Variants in OCA2 observed in about 807,000 individuals in gnomAD.
OCA2 encodes the protein OCA2 melanosomal transmembrane protein.
OCA2 carries 77 observed loss-of-function variants against 100.2 expected under a neutral mutation model. The observed-to-expected ratio is 0.77, with a 90% CI of 0.64 to 0.93. The LOEUF is 0.93. Ranked by LOEUF, OCA2 falls within the 40% of genes least tolerant of loss-of-function variation. OCA2 has a pLI of 0.00. For synonymous variants in OCA2, 432 were observed against 439.2 expected (o/e 0.98, Z 0.21); for missense variants, 1,062 against 1,089.1 (o/e 0.98, Z 0.35).
At position 27,966,713 on chromosome 15, in the gene OCA2, T is replaced by C; in HGVS notation, c.1613A>G (p.Asn538Ser). The C allele has an allele frequency of 6.2e-7, 1 of 1,614,014 alleles. No individual in the cohort carries two copies. The highest frequency in any genetic ancestry group is 8.5e-7 in the Non-Finnish European group (1 of 1,180,018). ...ACCAACAATCTCACTGGGTTCCTTG[T>C]TATAAAGCTTTCTGTTCCAGTAAAG... ...RLLYWNRKLY[N>S]KEPSEIVELK... Residue 538 changes from asparagine to serine, a missense_variant, in exon 15 of 24, where the codon AAC (asparagine) becomes AGC (serine). Coordinates refer to ENST00000354638, the MANE Select transcript of OCA2 (RefSeq NM_000275.3).
chr15:27,799,532 G>A (rs552806035), intron 23 of OCA2, among the ~76,000 whole-genome samples: 89 of 152,208 alleles, frequency 5.8e-4, no homozygotes, highest in African/African-American at 2.1e-3. Flanking sequence ...ATAACCTGAG[G>A]TCAGGAGCTC....
chr15:27,827,932 T>C (rs981962599), intron 23 of OCA2, among the ~76,000 whole-genome samples: 1 of 152,206 alleles, frequency 6.6e-6, no homozygotes, highest in African/African-American at 2.4e-5. Context: ...ATAAGGTCAC[T>C]GGATAAGACG....
chr15:27,895,237 T>C (rs529130637), intron 19 of OCA2, among the ~76,000 whole-genome samples: 1 of 152,274 alleles, frequency 6.6e-6, no homozygotes, highest in African/African-American at 2.4e-5. Flanking sequence ...CAGAACCTAG[T>C]CTCTGGTGTG....
rs1271659438 is a variant in OCA2, at chr15:27,882,139, G to A, written c.2080-10217C>T. On this transcript the variant is annotated intron_variant, in intron 19 of 23. Coordinates refer to ENST00000354638, the MANE Select transcript of OCA2 (RefSeq NM_000275.3). The stretch of plus-strand genomic sequence containing the variant: ...TTACCCAGGAGTCATTCAGGAGAAG[G>A]TTGTTCAATTTCCATGTAGTTGTGT... 4.6e-5 allele frequency among the ~76,000 whole-genome samples: 7 copies of A among 152,138 alleles called. No homozygotes were observed. In the East Asian group the frequency reaches 1.3e-3, roughly 29 times the overall value.
intron 19 of OCA2, among the ~76,000 whole-genome samples, chr15:27,873,707 A>T (rs1162750760): frequency 6.6e-6 from 1 of 152,240 alleles, no homozygotes; most frequent in East Asian, 1.9e-4. Flanking sequence ...TGTAAGACAA[A>T]ATAAAGTAAA....
downstream of OCA2, among the ~76,000 whole-genome samples, chr15:27,752,832 C>T (rs1205715539): frequency 7.0e-6 from 1 of 143,268 alleles, no homozygotes; most frequent in Non-Finnish European, 1.5e-5. Flanking sequence ...CCCACAGCTG[C>T]CTCCTCTCAC....
chr15:27,877,547 T>G lies in OCA2; in HGVS notation c.2080-5625A>C, dbSNP rs184240287. The stretch of plus-strand genomic sequence containing the variant: ...TATCTTCCTTATAATCTGTCCCATT[T>G]ATTATTATTAAATGTCCCTCATTAT... On this transcript the variant is annotated intron_variant, in intron 19 of 23. Transcript: ENST00000354638. 1.0e-3 allele frequency among the ~76,000 whole-genome samples: 157 copies of G among 152,136 alleles called. 1 individual carries two copies. Among genetic ancestry groups the G allele is most frequent in the Admixed American group, 3.1e-3 (48 of 15,272 alleles).
At chr15:28,093,572 G>C (rs1471468806) in intron 1 of OCA2, among the ~76,000 whole-genome samples, 1 of 152,014 alleles carries the variant, frequency 6.6e-6, no homozygotes, top group Non-Finnish European at 1.5e-5. Context: ...AACTAAAATT[G>C]CAACTACCAG....
chr15:27,851,326 G>A lies in OCA2; in HGVS notation c.2338+56C>T, dbSNP rs529855173. 5.7e-6 allele frequency: 8 copies of A among 1,405,586 alleles called. No individual in the cohort carries two copies. In the East Asian group the frequency reaches 7.0e-5, roughly 12 times the overall value. The allele number at this position is 1,405,586 out of a possible 1,614,324, so 87.1% of individuals were successfully genotyped here. ...TGATACACACTAACTGTTGCTTTGGGCTGAACCACAGTGTGGGCGTGCACC... is the reference window on the plus strand; with the variant it reads ...TGATACACACTAACTGTTGCTTTGGACTGAACCACAGTGTGGGCGTGCACC... On this transcript the variant is annotated intron_variant, in intron 22 of 23. Transcript: ENST00000354638.
intron 2 of OCA2, among the ~76,000 whole-genome samples, chr15:28,064,795 T>C (rs900066295): frequency 2.0e-5 from 3 of 151,868 alleles, no homozygotes; most frequent in South Asian, 2.1e-4. Context: ...TCCTCAAGGA[T>C]GGAAAGAAAC....
Position 27,895,923 on chromosome 15 carries a change from T to C in OCA2, c.2080-24001A>G, listed in dbSNP as rs2037669210. ...TATGCCCGTACAGAAGGGGATATGA[T>C]AGTACGCACAGCATATGCATGTGAA... On this transcript the variant is annotated intron_variant, in intron 19 of 23. Transcript: ENST00000354638. The C allele has an allele frequency of 9.4e-6, 6 of 640,338 alleles. No individual in the cohort carries two copies. In the East Asian group the frequency reaches 1.4e-4, roughly 15 times the overall value. 39.7% of individuals were successfully genotyped at this position (640,338 alleles called of 1,614,324 possible). A position where few individuals can be genotyped will look rare whatever the true frequency, so the allele number is the denominator to read the frequency against.
intron 8 of OCA2, among the ~76,000 whole-genome samples, chr15:28,015,351 C>T (rs1478783354): frequency 1.3e-5 from 2 of 151,304 alleles, no homozygotes; most frequent in African/African-American, 2.4e-5. Flanking sequence ...AGGTCTGTGG[C>T]GAACACTGAA....
At chr15:27,736,746 T>G in the OCA2 span, among the ~76,000 whole-genome samples, 1 of 152,202 alleles carries the variant, frequency 6.6e-6, no homozygotes, top group Non-Finnish European at 1.5e-5. Context: ...TCTTACCTGT[T>G]AAATACACAG....
At chr15:28,096,111 G>C (rs952004994) in intron 1 of OCA2, among the ~76,000 whole-genome samples, 2 of 151,998 alleles carry the variant, frequency 1.3e-5, no homozygotes, top group African/African-American at 4.8e-5. Flanking sequence ...TGTCTCCGGG[G>C]GCGTAGCTTG....
At chr15:27,836,731 G>A (rs1283847662) in intron 23 of OCA2, among the ~76,000 whole-genome samples, 3 of 152,182 alleles carry the variant, frequency 2.0e-5, no homozygotes, top group East Asian at 1.9e-4. Flanking sequence ...ATTTTATTAT[G>A]TTTACTGTTA....
intron 19 of OCA2, among the ~76,000 whole-genome samples, chr15:27,888,511 G>A (rs2037321121): frequency 6.6e-6 from 1 of 152,046 alleles, no homozygotes; most frequent in Non-Finnish European, 1.5e-5. Context: ...GGATTTTAAA[G>A]CAGCCTTCCT....
intron 6 of OCA2, among the ~76,000 whole-genome samples, chr15:28,019,324 G>A (rs1221917857): frequency 6.7e-6 from 1 of 149,308 alleles, no homozygotes; most frequent in Admixed American, 6.7e-5. Context: ...AGGGAGGGAG[G>A]AAGAGAAAGG....
intron 23 of OCA2, among the ~76,000 whole-genome samples, chr15:27,772,096 C>T (rs1011027923): frequency 1.3e-5 from 2 of 152,218 alleles, no homozygotes; most frequent in Non-Finnish European, 2.9e-5. Flanking sequence ...TGCGGGCCCA[C>T]GAGGAAGGCA....
intron 2 of OCA2, among the ~76,000 whole-genome samples, chr15:28,080,323 C>A (rs921425318): frequency 2.6e-5 from 4 of 152,212 alleles, no homozygotes; most frequent in African/African-American, 9.7e-5. Flanking sequence ...TTGCTGCAGG[C>A]TGTTTTTAAT....
Sources: allele counts gnomAD v4.1 joint callset (sites outside exome capture counted in the v4.1 genomes callset), GRCh38; gene constraint gnomAD v4.1.1; transcripts MANE v1.5; gene names NCBI Gene and HGNC (gene_info 2026-07-23, HGNC 2026-07-21).